The following NT5DC3 variants were observed in gnomAD, a reference collection of about 807,000 sequenced individuals.
NT5DC3 encodes the protein 5'-nucleotidase domain-containing protein 3.
A neutral mutation model predicts 67.8 loss-of-function variants in NT5DC3; 42 were observed. The observed-to-expected ratio is 0.62, with a 90% CI of 0.48 to 0.80. The LOEUF (loss-of-function observed/expected upper bound fraction) is 0.80. Among genes scored for constraint, NT5DC3 ranks in the 30% least tolerant of loss-of-function variants. NT5DC3 has a pLI of 0.00. For synonymous variants in NT5DC3, 237 were observed against 255.6 expected (o/e 0.93, Z 0.69); for missense variants, 570 against 696.4 (o/e 0.82, Z 2.04).
intron 1 of NT5DC3, among the ~76,000 whole-genome samples, chr12:103,835,381 A>C (rs1184604497): frequency 6.6e-6 from 1 of 152,180 alleles, no homozygotes; most frequent in Non-Finnish European, 1.5e-5. Context: ...TGAAGAGAAG[A>C]TAGGGTCCAC....
intron 4 of NT5DC3, among the ~76,000 whole-genome samples, chr12:103,801,643 A>C (rs889852879): frequency 9.9e-5 from 15 of 151,886 alleles, no homozygotes; most frequent in Admixed American, 3.3e-4. Context: ...AGCCTCCCAA[A>C]GTGCTGGGAT....
rs201734194 is a variant in NT5DC3, at chr12:103,793,208, G to A, written c.975C>T (p.Val325=). The part of the protein sequence containing the change: ...GKDWRDLFDV[V]IVQAEKPNFF... ...AGTTTGGCTTCTCAGCCTGAACAAT[G>A]ACCACATCGAACAGGTCCCTCCAGT... Residue 325 remains valine (V), a synonymous_variant, in exon 9 of 14, where the codon GTC becomes GTT. Transcript: ENST00000392876. 1 of 1,608,434 alleles carries A rather than the reference G, an allele frequency of 6.2e-7. No homozygotes were observed. The highest frequency in any genetic ancestry group is 1.7e-5 in the Admixed American group (1 of 57,950).
downstream of NT5DC3, chr12:103,770,405 A>G (rs1330983448): frequency 1.3e-5 from 2 of 151,476 alleles, no homozygotes; most frequent in Middle Eastern, 3.4e-3. Context: ...TGGATCTTAG[A>G]AAATATTTGA....
In NT5DC3 at chr12:103,841,194, C is replaced by T; in HGVS notation, c.-38G>A. ...CTGCCGCCACCGCCGCCGCGCCGCT[C>T]TGCGACTGCTGCTGCCCGGCCCAAG... On this transcript the variant is annotated 5_prime_UTR_variant, in exon 1 of 14. Coordinates refer to ENST00000392876, the MANE Select transcript of NT5DC3 (RefSeq NM_001031701.3). 1 of 581,814 alleles carries T rather than the reference C, an allele frequency of 1.7e-6. No individual in the cohort carries two copies. Among genetic ancestry groups the T allele is most frequent in the Non-Finnish European group, 2.9e-6 (1 of 339,948 alleles). The allele number at this position is 581,814 out of a possible 1,614,324, so 36.0% of individuals were successfully genotyped here.
At chr12:103,764,703 G>T in the NT5DC3 span, among the ~76,000 whole-genome samples, 1 of 152,098 alleles carries the variant, frequency 6.6e-6, no homozygotes, top group Admixed American at 6.5e-5. Flanking sequence ...TCATGCCTGT[G>T]GTAACAGATT....
intron 6 of NT5DC3, among the ~76,000 whole-genome samples, chr12:103,795,421 G>A (rs958936142): frequency 3.3e-5 from 5 of 151,950 alleles, no homozygotes; most frequent in Non-Finnish European, 5.9e-5. Flanking sequence ...TCAACATCTC[G>A]CCTTATGAAT....
the NT5DC3 span, among the ~76,000 whole-genome samples, chr12:103,759,703 T>C: frequency 6.6e-6 from 1 of 152,140 alleles, no homozygotes; most frequent in Non-Finnish European, 1.5e-5. Flanking sequence ...ATGGTGATGG[T>C]GGTGATGATG....
At chr12:103,780,235 C>A in intron 13 of NT5DC3, 65 bp downstream of exon 13, 5 of 1,376,060 alleles carry the variant, frequency 3.6e-6, no homozygotes, top group Non-Finnish European at 5.2e-6. Flanking sequence ...CTGGGGAACA[C>A]ATGTGGGCTG....
At chr12:103,764,550 G>A in the NT5DC3 span, among the ~76,000 whole-genome samples, 10 of 152,086 alleles carry the variant, frequency 6.6e-5, no homozygotes, top group South Asian at 1.0e-3. Context: ...ACCAGTTCTC[G>A]ACTGAAAAAA....
the NT5DC3 span, among the ~76,000 whole-genome samples, chr12:103,748,605 T>TACACACACAC: frequency 2.8e-5 from 4 of 141,706 alleles, no homozygotes; most frequent in Non-Finnish European, 3.1e-5. Flanking sequence ...CACACACACA[T>TACACACACAC]ACACACACAC....
At chr12:103,839,970 C>G (rs1888309439) in intron 1 of NT5DC3, among the ~76,000 whole-genome samples, 1 of 152,150 alleles carries the variant, frequency 6.6e-6, no homozygotes, top group African/African-American at 2.4e-5. Flanking sequence ...AACCAATATA[C>G]AAATTTCGGT....
At chr12:103,822,728 T>C (rs555846048) in intron 1 of NT5DC3, among the ~76,000 whole-genome samples, 81 of 152,330 alleles carry the variant, frequency 5.3e-4, no homozygotes, top group Middle Eastern at 3.4e-3. Flanking sequence ...TTTAAGAATA[T>C]AAATCAGAAC....
chr12:103,821,112 G>A (rs1352233786), intron 1 of NT5DC3, among the ~76,000 whole-genome samples: 2 of 152,210 alleles, frequency 1.3e-5, no homozygotes, highest in African/African-American at 4.8e-5. Context: ...ATGGAGATAT[G>A]ATACAGGCAC....
chr12:103,794,746 G>A (rs1214309604), intron 6 of NT5DC3, among the ~76,000 whole-genome samples: 1 of 152,234 alleles, frequency 6.6e-6, no homozygotes. Flanking sequence ...TAGCTTACAA[G>A]TTCCTCCTTC....
At chr12:103,766,281 TC>T (rs756951707), downstream of NT5DC3, 19 of 1,613,872 alleles carry the variant, frequency 1.2e-5, no homozygotes, top group Non-Finnish European at 1.5e-5. Context: ...CCCTCTCTTT[TC>T]CAGGACTCTG....
chr12:103,784,815 C>A (rs1885697574), intron 12 of NT5DC3, among the ~76,000 whole-genome samples: 1 of 152,228 alleles, frequency 6.6e-6, no homozygotes, highest in Admixed American at 6.5e-5. Context: ...AAGGAAGTAA[C>A]TGCCAGGGAA....
downstream of NT5DC3, among the ~76,000 whole-genome samples, chr12:103,771,929 G>A (rs1288505046): frequency 6.6e-6 from 1 of 152,156 alleles, no homozygotes; most frequent in Non-Finnish European, 1.5e-5. Flanking sequence ...AGATTTGCTA[G>A]TGAGTCCACC....
chr12:103,748,956 C>T, the NT5DC3 span: 5 of 1,611,396 alleles, frequency 3.1e-6, no homozygotes, highest in Non-Finnish European at 4.2e-6. Context: ...CTCCTCTGCT[C>T]TTGCAGTTGT....
chr12:103,751,687 T>G, the NT5DC3 span, among the ~76,000 whole-genome samples: 2 of 152,192 alleles, frequency 1.3e-5, no homozygotes, highest in Admixed American at 1.3e-4. Context: ...AAGAAGAGCT[T>G]GGCTTTTTCT....
Sources: gnomAD v4.1 joint callset for allele counts (sites outside exome capture counted in the v4.1 genomes callset) on GRCh38, gnomAD v4.1.1 for gene constraint, MANE v1.5 for transcripts, NCBI Gene and HGNC (gene_info 2026-07-23, HGNC 2026-07-21) for gene names.